Variants in DDX60 observed in about 807,000 individuals in gnomAD.
The protein encoded by DDX60 is probable ATP-dependent RNA helicase DDX60.
A neutral mutation model predicts 212.8 loss-of-function variants in DDX60; 165 were observed. The observed-to-expected ratio is 0.78, with a 90% CI of 0.68 to 0.88. The LOEUF is 0.88. Among genes scored for constraint, DDX60 ranks in the 40% least tolerant of loss-of-function variants. The pLI is 0.00. For missense variants in DDX60, 1,905 were observed against 2,003.9 expected (o/e 0.95, Z 0.94); for synonymous variants, 703 against 685.3 (o/e 1.03, Z -0.40).
intron 6 of DDX60, among the ~76,000 whole-genome samples, chr4:168,299,047 G>A (rs1295683874): frequency 6.6e-6 from 1 of 150,582 alleles, no homozygotes; most frequent in Non-Finnish European, 1.5e-5. Context: ...TGTAGTCCCA[G>A]CTACTCGGAA....
chr4:168,314,990 T>C lies in DDX60; in HGVS notation c.-106-3625A>G, dbSNP rs117654724. 1.3e-3 allele frequency among the ~76,000 whole-genome samples: 192 copies of C among 152,186 alleles called. 2 individuals carry two copies. The East Asian group carries it at 0.031, about 25-fold the overall frequency. Reference sequence around the variant, plus strand: ...GAAAGACAGAAAAGGTACAAAGAAATGGAAGTCAGGCCATATGAGAACTGG... The same window carrying C: ...GAAAGACAGAAAAGGTACAAAGAAACGGAAGTCAGGCCATATGAGAACTGG... On this transcript the variant is annotated intron_variant, in intron 1 of 37. Coordinates refer to ENST00000393743, the MANE Select transcript of DDX60 (RefSeq NM_017631.6).
At chr4:168,315,285 A>G (rs1737315110) in intron 1 of DDX60, among the ~76,000 whole-genome samples, 1 of 152,254 alleles carries the variant, frequency 6.6e-6, no homozygotes, top group Non-Finnish European at 1.5e-5. Context: ...GATAAAATAA[A>G]GCACTTTCAG....
At chr4:168,314,014 G>A (rs1043876771) in intron 1 of DDX60, among the ~76,000 whole-genome samples, 3 of 152,122 alleles carry the variant, frequency 2.0e-5, no homozygotes, top group Non-Finnish European at 4.4e-5. Context: ...AAGGGATTCC[G>A]TAGCCTGCCT....
intron 6 of DDX60, 117 bp from the exon 7 acceptor site, chr4:168,294,062 C>A: frequency 1.2e-6 from 1 of 848,578 alleles, no homozygotes; most frequent in South Asian, 2.9e-5. Flanking sequence ...ATAATCTGTA[C>A]AACAAACCCC....
At chr4:168,231,438 T>C (rs1733451365) in intron 33 of DDX60, among the ~76,000 whole-genome samples, 2 of 151,126 alleles carry the variant, frequency 1.3e-5, no homozygotes, top group East Asian at 1.9e-4. Context: ...CCAATATCTC[T>C]GATGAACATA....
chr4:168,289,341 T>C (rs2149533167), intron 8 of DDX60, among the ~76,000 whole-genome samples: 1 of 152,290 alleles, frequency 6.6e-6, no homozygotes, highest in Non-Finnish European at 1.5e-5. Flanking sequence ...CCCAGTTCCT[T>C]TGACCTTCAG....
intron 1 of DDX60, among the ~76,000 whole-genome samples, chr4:168,318,186 T>C (rs937458186): frequency 1.3e-5 from 2 of 152,248 alleles, no homozygotes; most frequent in Admixed American, 1.3e-4. Context: ...GGGGGAATCT[T>C]ATTAATAAAC....
In DDX60 at chr4:168,221,735, A is replaced by G. The variant is rs376240325; in HGVS notation, c.4971T>C (p.Asp1657=). The change falls in exon 36 of 38, where the codon GAT becomes GAC. Residue 1657 remains aspartate, a synonymous_variant. Coordinates refer to ENST00000393743, the MANE Select transcript of DDX60 (RefSeq NM_017631.6). ...KHGSLIGLVQ[D]NRMNEGDAYY... is the part of the protein sequence containing the mutation. The stretch of plus-strand genomic sequence containing the variant: ...GACAGACAGAGAGGACATACCTGTT[A>G]TCCTGGACTAATCCTATCAAGGAAC... 5 of 1,610,310 alleles carry G rather than the reference A, an allele frequency of 3.1e-6. No homozygotes were observed. In the African/African-American group the frequency reaches 4.0e-5, roughly 13 times the overall value.
At position 168,293,786 on chromosome 4, in the gene DDX60, C is replaced by T. The variant is rs1736217436; in HGVS notation, c.882+1G>A. ...TCTCAGTAAAGTTATAAAAACCACA[C>T]CTGTTGGATCTCAGTTTCCTGACCA... On this transcript the variant is annotated splice_donor_variant, in intron 7 of 37. Transcript: ENST00000393743. LOFTEE classifies it high-confidence loss of function. The T allele has an allele frequency of 6.2e-7, 1 of 1,600,816 alleles. No homozygotes were observed. Among genetic ancestry groups the T allele is most frequent in the Non-Finnish European group, 8.5e-7 (1 of 1,175,640 alleles).
chr4:168,218,408 T>C (rs763023994), intron 37 of DDX60, among the ~76,000 whole-genome samples: 3 of 152,176 alleles, frequency 2.0e-5, no homozygotes, highest in Non-Finnish European at 2.9e-5. Flanking sequence ...TTTTTACCAA[T>C]TTCTTGAATT....
chr4:168,253,693 C>T (rs553287080), intron 26 of DDX60, among the ~76,000 whole-genome samples: 34 of 152,276 alleles, frequency 2.2e-4, no homozygotes, highest in Middle Eastern at 3.4e-3. Flanking sequence ...TTTCTTGCTT[C>T]GTTCATTTTC....
chr4:168,297,346 GAAA>G (rs1736420933), intron 6 of DDX60, among the ~76,000 whole-genome samples: 1 of 85,310 alleles, frequency 1.2e-5, no homozygotes, highest in East Asian at 2.6e-4. Flanking sequence ...AAGAAAGAAA[GAAA>G]GAAAGAAAGA....
At chr4:168,229,170 G>T (rs1733360678) in intron 33 of DDX60, among the ~76,000 whole-genome samples, 1 of 152,016 alleles carries the variant, frequency 6.6e-6, no homozygotes, top group African/African-American at 2.4e-5. Flanking sequence ...TGCCTCTTCA[G>T]GCAAGCTGAA....
Position 168,262,032 on chromosome 4 carries a change from T to C in DDX60, c.3241A>G (p.Thr1081Ala), listed in dbSNP as rs1421260987. The change falls in exon 24 of 38, where the codon ACA (threonine) becomes GCA (alanine). Residue 1081 changes from threonine to alanine, a missense_variant. Physicochemically the swap from Thr to Ala is moderately conservative, Grantham distance 58. Transcript: ENST00000393743. Reference sequence around the variant, plus strand: ...ACGTTGCCATTTTTAATCCAACTTGTTAATTCTGCCTTTAGACTCTCTTCA... The same window carrying C: ...ACGTTGCCATTTTTAATCCAACTTGCTAATTCTGCCTTTAGACTCTCTTCA... ...KYEESLKAEL[T>A]SWIKNGNVEQ... is the part of the protein sequence containing the mutation. 1 of 1,597,742 alleles carries C rather than the reference T, an allele frequency of 6.3e-7. No individual in the cohort carries two copies. The highest frequency in any genetic ancestry group is 1.2e-5 in the South Asian group (1 of 86,596).
intron 30 of DDX60, among the ~76,000 whole-genome samples, chr4:168,241,110 C>T (rs7672529): frequency 0.028 from 4,256 of 152,292 alleles, 166 homozygotes; most frequent in African/African-American, 0.093. Context: ...TTGCCTGCTG[C>T]CATCCATTGT....
intron 22 of DDX60, 25 bp downstream of exon 22, chr4:168,267,557 C>T (rs1264863098): frequency 2.3e-5 from 30 of 1,302,650 alleles, no homozygotes; most frequent in Non-Finnish European, 2.9e-5. Context: ...TTACTTAGAA[C>T]AAATATGGCT....
intron 1 of DDX60, among the ~76,000 whole-genome samples, chr4:168,314,013 C>T (rs187867783): frequency 2.2e-4 from 34 of 152,200 alleles, no homozygotes; most frequent in African/African-American, 3.1e-4. Flanking sequence ...CAAGGGATTC[C>T]GTAGCCTGCC....
At chr4:168,288,963 C>A (rs1046830404) in intron 8 of DDX60, among the ~76,000 whole-genome samples, 1 of 152,156 alleles carries the variant, frequency 6.6e-6, no homozygotes, top group Non-Finnish European at 1.5e-5. Flanking sequence ...AAATATCAGG[C>A]ATGGAGTATG....
chr4:168,315,540 T>C (rs1737328295), intron 1 of DDX60, among the ~76,000 whole-genome samples: 1 of 152,184 alleles, frequency 6.6e-6, no homozygotes, highest in Non-Finnish European at 1.5e-5. Flanking sequence ...AAGCACCTCA[T>C]GCATTAGGTA....
Sources: allele counts gnomAD v4.1 joint callset (sites outside exome capture counted in the v4.1 genomes callset), GRCh38; gene constraint gnomAD v4.1.1; transcripts MANE v1.5; gene names NCBI Gene and HGNC (gene_info 2026-07-23, HGNC 2026-07-21).